Variants in ING1 observed in about 807,000 individuals in gnomAD.
ING1 encodes the protein inhibitor of growth protein 1.
ING1 carries 4 observed loss-of-function variants against 23.1 expected under a neutral mutation model. The observed-to-expected ratio is 0.17, with a 90% CI of 0.09 to 0.40. The LOEUF is 0.40. Among genes scored for constraint, ING1 ranks in the 10% least tolerant of loss-of-function variants. The pLI is 1.00. For synonymous variants in ING1, 179 were observed against 166.4 expected (o/e 1.08, Z -0.58); for missense variants, 256 against 393.8 (o/e 0.65, Z 2.96).
In ING1 at chr13:110,719,166, C is replaced by T. The variant is rs375064621; in HGVS notation, c.137-63C>T. 6.5e-6 allele frequency: 10 copies of T among 1,541,348 alleles called. No individual in the cohort carries two copies. In the African/African-American group the frequency reaches 9.5e-5, roughly 15 times the overall value. ...TGCCAGCCCTCTCCGTAGACCCGTCCGGGGCCGTGTGGGTTGTCCCGGTGT... is the reference window on the plus strand; with the variant it reads ...TGCCAGCCCTCTCCGTAGACCCGTCTGGGGCCGTGTGGGTTGTCCCGGTGT... On this transcript the variant is annotated intron_variant, in intron 1 of 1. Coordinates refer to ENST00000333219, the MANE Select transcript of ING1 (RefSeq NM_198219.3). The surrounding 1 kb of genome is among the most constrained non-coding windows in gnomAD (Gnocchi z 8.9).
rs2064096884 is a variant in ING1 at position 110,715,056 on chromosome 13, G to A, written c.136+771G>A. ...GCAGATCGCTGGCTTGGAGAGGACT[G>A]TGGCAGGTGAGAGGACCTGTGCGTC... On this transcript the variant is annotated intron_variant, in intron 1 of 1. Transcript: ENST00000333219. 5 of 1,008,530 alleles carry A rather than the reference G, an allele frequency of 5.0e-6. 1 individual carries two copies. The South Asian group carries it at 2.2e-4, about 44-fold the overall frequency. The allele number at this position is 1,008,530 out of a possible 1,614,324, so 62.5% of individuals were successfully genotyped here.
chr13:110,714,894 G>C, intron 1 of ING1: 1 of 832,322 alleles, frequency 1.2e-6, no homozygotes, highest in Non-Finnish European at 1.5e-6. Flanking sequence ...AGTAGGGGCC[G>C]ACTGCGAGGG....
At chr13:110,713,661 C>G, upstream of ING1, 2 of 985,458 alleles carry the variant, frequency 2.0e-6, no homozygotes, top group Non-Finnish European at 1.2e-6. Flanking sequence ...CGCTGCGCAG[C>G]GGGGCTGAAT....
chr13:110,713,048 C>T, upstream of ING1: 2 of 1,467,378 alleles, frequency 1.4e-6, no homozygotes, highest in Non-Finnish European at 1.8e-6. Flanking sequence ...CATGCGCCGC[C>T]ACTTCCGCCC....
chr13:110,715,703 C>T (rs1486590396), intron 1 of ING1: 2 of 1,594,304 alleles, frequency 1.3e-6, no homozygotes, highest in Non-Finnish European at 1.7e-6. Flanking sequence ...TGGTTCTCCT[C>T]CTGGCCTCCG....
At chr13:110,712,687 G>C (rs1299042616), upstream of ING1, 1 of 669,602 alleles carries the variant, frequency 1.5e-6, no homozygotes, top group African/African-American at 1.8e-5. Context: ...GACGCCGGCC[G>C]ACCGGGTGTC....
chr13:110,718,585 C>T (rs1448519921), intron 1 of ING1, among the ~76,000 whole-genome samples: 2 of 152,052 alleles, frequency 1.3e-5, no homozygotes, highest in East Asian at 3.9e-4. Flanking sequence ...TACTGTTAAC[C>T]CGGTTCTTTA....
chr13:110,719,658 G>A lies in ING1; in HGVS notation c.566G>A (p.Arg189His), dbSNP rs2064155923. 1 of 1,612,988 alleles carries A rather than the reference G, an allele frequency of 6.2e-7. No homozygotes were observed. The highest frequency in any genetic ancestry group is 8.5e-7 in the Non-Finnish European group (1 of 1,179,764). The change falls in exon 2 of 2, where the codon CGC (arginine) becomes CAC (histidine). Residue 189 changes from arginine (R) to histidine (H), a missense_variant. Around this residue, in one of 3 missense-constraint regions of ING1, gnomAD observed 209 missense variants for 273.8 expected, o/e 0.76. Transcript: ENST00000333219. This position sits in a 1 kb window ranked among gnomAD's most constrained non-coding sequence, Gnocchi z 8.9. ...KKAKTSKKKK[R>H]SKAKAEREAS... Reference sequence around the variant, plus strand: ...GCCAAGACCTCCAAGAAGAAGAAGCGCTCCAAGGCCAAGGCGGAGCGAGAG... The same window carrying A: ...GCCAAGACCTCCAAGAAGAAGAAGCACTCCAAGGCCAAGGCGGAGCGAGAG...
In ING1 at chr13:110,717,296, C is replaced by G. The variant is rs190367021; in HGVS notation, c.137-1933C>G. Reference sequence around the variant, plus strand: ...AATTACTATATGAGACTAGGGCTTTCCTCCTGGTGGCAGGCAGCCTGCATT... The same window carrying G: ...AATTACTATATGAGACTAGGGCTTTGCTCCTGGTGGCAGGCAGCCTGCATT... On this transcript the variant is annotated intron_variant, in intron 1 of 1. Transcript: ENST00000333219. Among the ~76,000 whole-genome samples the G allele has an allele frequency of 5.9e-5, 9 of 152,260 alleles. No homozygotes were observed. In the East Asian group the frequency reaches 1.7e-3, roughly 29 times the overall value.
intron 1 of ING1, chr13:110,716,013 G>A: frequency 2.0e-6 from 3 of 1,501,760 alleles, no homozygotes; most frequent in Non-Finnish European, 2.6e-6. Flanking sequence ...GGAAACGTGA[G>A]TGACTGGGGC....
In ING1 at chr13:110,713,781, A is replaced by C. The variant is rs2064070754; in HGVS notation, c.-369A>C. The C allele has an allele frequency of 1.0e-6, 1 of 984,262 alleles. No homozygotes were observed. Among genetic ancestry groups the C allele is most frequent in the African/African-American group, 1.8e-5 (1 of 57,074 alleles). 61.0% of individuals were successfully genotyped at this position (984,262 alleles called of 1,614,324 possible). A position where few individuals can be genotyped will look rare whatever the true frequency, so the allele number is the denominator to read the frequency against. On this transcript the variant is annotated 5_prime_UTR_variant, in exon 1 of 2. Coordinates refer to ENST00000333219, the MANE Select transcript of ING1 (RefSeq NM_198219.3). Reference sequence around the variant, plus strand: ...GCTGCCCGCTCCGCTCCTCTCTTCTACCCAGCCCAGTGGGCGAGTGGGCAG... The same window carrying C: ...GCTGCCCGCTCCGCTCCTCTCTTCTCCCCAGCCCAGTGGGCGAGTGGGCAG...
upstream of ING1, chr13:110,713,282 G>C: frequency 2.3e-6 from 3 of 1,283,438 alleles, no homozygotes; most frequent in Non-Finnish European, 3.0e-6. Context: ...TGAGGAGCGA[G>C]TTGCGGTAGT....
chr13:110,718,383 T>C (rs1321978826), intron 1 of ING1, among the ~76,000 whole-genome samples: 2 of 152,184 alleles, frequency 1.3e-5, no homozygotes, highest in Non-Finnish European at 2.9e-5. Flanking sequence ...ACCACTGCAC[T>C]CCAGCCTGGG....
At position 110,719,012 on chromosome 13, in the gene ING1, GC is replaced by G. The variant is rs1478568434; in HGVS notation, c.137-215del. On this transcript the variant is annotated intron_variant, in intron 1 of 1. Coordinates refer to ENST00000333219, the MANE Select transcript of ING1 (RefSeq NM_198219.3). The surrounding 1 kb of genome is among the most constrained non-coding windows in gnomAD (Gnocchi z 8.9). ...CGGCTCCTGCCGCTGTGGAAGCTGG[GC>G]CGGCATTTGTGTTGTGTTGTGTTGT... Among the ~76,000 whole-genome samples, 6 of 135,782 alleles carry G rather than the reference GC, an allele frequency of 4.4e-5. No homozygotes were observed. The highest frequency in any genetic ancestry group is 9.7e-5 in the Non-Finnish European group (6 of 61,816). 89.1% of individuals were successfully genotyped at this position (135,782 alleles called of 152,430 possible).
At position 110,721,059 on chromosome 13, in the gene ING1, G is replaced by A. The variant is rs1566384216; in HGVS notation, c.*1127G>A. 1 of 167,024 alleles carries A rather than the reference G, an allele frequency of 6.0e-6. No individual in the cohort carries two copies. The highest frequency in any genetic ancestry group is 2.4e-5 in the African/African-American group (1 of 41,442). 10.3% of individuals were successfully genotyped at this position (167,024 alleles called of 1,614,324 possible). A position where few individuals can be genotyped will look rare whatever the true frequency, so the allele number is the denominator to read the frequency against. On this transcript the variant is annotated 3_prime_UTR_variant, in exon 2 of 2. Transcript: ENST00000333219. ...TTAAATTCTAGTGTCCATAAATAAAGTTTCAGCGGAACACAGCCGTGCTTA... is the reference window on the plus strand; with the variant it reads ...TTAAATTCTAGTGTCCATAAATAAAATTTCAGCGGAACACAGCCGTGCTTA...
At chr13:110,714,843 C>T (rs754506884) in intron 1 of ING1, 4 of 393,396 alleles carry the variant, frequency 1.0e-5, no homozygotes, top group Non-Finnish European at 1.4e-5. Flanking sequence ...TCGGCCGCCC[C>T]CGCCCAGCCC....
In ING1 at chr13:110,719,861, CG is replaced by C; in HGVS notation, c.775del (p.Glu259ArgfsTer59). On this transcript the variant is annotated frameshift_variant, in exon 2 of 2. Transcript: ENST00000333219. LOFTEE classifies it high-confidence loss of function. This position sits in a 1 kb window ranked among gnomAD's most constrained non-coding sequence, Gnocchi z 8.9. ...PKGKWYCPKC[R>X]GENEKTMDKA... is the part of the protein sequence containing the mutation. The stretch of plus-strand genomic sequence containing the variant: ...GGGCAAGTGGTACTGTCCCAAGTGC[CG>C]GGGGGAGAACGAGAAGACCATGGAC... 2 of 1,613,210 alleles carry C rather than the reference CG, an allele frequency of 1.2e-6. No individual in the cohort carries two copies. The highest frequency in any genetic ancestry group is 1.7e-6 in the Non-Finnish European group (2 of 1,179,848).
upstream of ING1, chr13:110,712,839 G>A (rs368247586): frequency 9.8e-7 from 1 of 1,024,032 alleles, no homozygotes. Flanking sequence ...CTAGGAAGCA[G>A]CTTCCCTCTC....
At position 110,715,967 on chromosome 13, in the gene ING1, C is replaced by T. The variant is rs750498729; in HGVS notation, c.136+1682C>T. 2 of 1,529,276 alleles carry T rather than the reference C, an allele frequency of 1.3e-6. No individual in the cohort carries two copies. Among genetic ancestry groups the T allele is most frequent in the Non-Finnish European group, 1.7e-6 (2 of 1,146,440 alleles). 94.7% of individuals were successfully genotyped at this position (1,529,276 alleles called of 1,614,324 possible). On this transcript the variant is annotated intron_variant, in intron 1 of 1. Coordinates refer to ENST00000333219, the MANE Select transcript of ING1 (RefSeq NM_198219.3). ...GCTCGGAGACAGTTTCAGGCCGCATCTCTGCTGACCCGAGGGTGGGGCCGC... is the reference window on the plus strand; with the variant it reads ...GCTCGGAGACAGTTTCAGGCCGCATTTCTGCTGACCCGAGGGTGGGGCCGC...
Sources: gnomAD v4.1 joint callset for allele counts (sites outside exome capture counted in the v4.1 genomes callset) on GRCh38, gnomAD v4.1.1 for gene constraint, gnomAD v4.1.1 regional missense constraint, Gnocchi (gnomAD v3.1) non-coding constraint, MANE v1.5 for transcripts, NCBI Gene and HGNC (gene_info 2026-07-23, HGNC 2026-07-21) for gene names.